Variants in RGS3 observed in about 807,000 individuals in gnomAD.
RGS3 encodes the protein regulator of G protein signaling 3, also known as regulator of G-protein signalling 3.
Under a neutral mutation model 132.6 loss-of-function variants are expected in RGS3, and 80 were observed. That is an observed-to-expected ratio of 0.60 (90% CI 0.50 to 0.73). The LOEUF is 0.73. Among genes scored for constraint, RGS3 ranks in the 30% least tolerant of loss-of-function variants. RGS3 has a pLI of 0.00. For synonymous variants in RGS3, 598 were observed against 620.6 expected (o/e 0.96, Z 0.54); for missense variants, 1,382 against 1,530.8 (o/e 0.90, Z 1.62).
intron 19 of RGS3, among the ~76,000 whole-genome samples, chr9:113,563,557 C>T (rs1833876876): frequency 6.6e-6 from 1 of 152,194 alleles, no homozygotes; most frequent in Admixed American, 6.5e-5. Flanking sequence ...TCTCTTGAGA[C>T]TCACCTCCTT....
chr9:113,518,956 G>A (rs999135573), intron 16 of RGS3, among the ~76,000 whole-genome samples: 8 of 152,184 alleles, frequency 5.3e-5, no homozygotes, highest in Non-Finnish European at 1.0e-4. Context: ...GCCAGTTAGA[G>A]ATGGCAGCCA....
At chr9:113,541,566 C>T (rs1832904466) in intron 19 of RGS3, 2 of 1,429,122 alleles carry the variant, frequency 1.4e-6, no homozygotes, top group Admixed American at 2.7e-5. Flanking sequence ...AGGGAGTGGT[C>T]CCAAGGGTGC....
At position 113,463,588 on chromosome 9, in the gene RGS3, C is replaced by T; in HGVS notation, c.415+1387C>T. ...TCAGCGCGGGTCGGCGGCGCCGCCTCCCCCACCCCGGCCCAGCTCTGCTCC... is the reference window on the plus strand; with the variant it reads ...TCAGCGCGGGTCGGCGGCGCCGCCTTCCCCACCCCGGCCCAGCTCTGCTCC... On this transcript the variant is annotated intron_variant, in intron 3 of 24. Transcript: ENST00000350696. The surrounding 1 kb of genome is among the most constrained non-coding windows in gnomAD (Gnocchi z 4.6). The T allele has an allele frequency of 3.2e-6, 3 of 924,334 alleles. No homozygotes were observed. The highest frequency in any genetic ancestry group is 4.4e-6 in the Non-Finnish European group (3 of 688,044). 57.3% of individuals were successfully genotyped at this position (924,334 alleles called of 1,614,324 possible). A position where few individuals can be genotyped will look rare whatever the true frequency, so the allele number is the denominator to read the frequency against.
At chr9:113,531,829 C>A (rs1832480144) in intron 18 of RGS3, among the ~76,000 whole-genome samples, 1 of 152,256 alleles carries the variant, frequency 6.6e-6, no homozygotes, top group Non-Finnish European at 1.5e-5. Context: ...TTCCTTCCTA[C>A]CTATGTCATA....
At chr9:113,548,901 G>A (rs570037683) in intron 19 of RGS3, among the ~76,000 whole-genome samples, 3 of 152,078 alleles carry the variant, frequency 2.0e-5, no homozygotes, top group African/African-American at 4.8e-5. Context: ...CCTGAGAGTC[G>A]CCTGGCAGGC....
chr9:113,472,105 A>G (rs1196194951), intron 3 of RGS3, among the ~76,000 whole-genome samples: 1 of 152,210 alleles, frequency 6.6e-6, no homozygotes, highest in African/African-American at 2.4e-5. Flanking sequence ...ATAATAAAAA[A>G]AGAGCCAATA....
chr9:113,504,456 G>C (rs191467080), intron 10 of RGS3, among the ~76,000 whole-genome samples: 128 of 152,344 alleles, frequency 8.4e-4, no homozygotes, highest in Non-Finnish European at 1.3e-3. Flanking sequence ...CTGCCAGGCT[G>C]TCCTCCCTGC....
chr9:113,538,076 T>C (rs1319425629), intron 19 of RGS3, among the ~76,000 whole-genome samples: 4 of 152,252 alleles, frequency 2.6e-5, no homozygotes, highest in Non-Finnish European at 5.9e-5. Flanking sequence ...TTTGCTGCTC[T>C]GTACTTTGAT....
At chr9:113,498,583 A>C (rs1830760655) in intron 10 of RGS3, among the ~76,000 whole-genome samples, 1 of 152,160 alleles carries the variant, frequency 6.6e-6, no homozygotes, top group African/African-American at 2.4e-5. Context: ...TTTGCAGGGC[A>C]TGGCAGGGGA....
At chr9:113,572,245 A>C (rs2118895931) in intron 19 of RGS3, among the ~76,000 whole-genome samples, 1 of 152,208 alleles carries the variant, frequency 6.6e-6, no homozygotes, top group African/African-American at 2.4e-5. Flanking sequence ...GCAGGAGACC[A>C]ATATAGGCAA....
chr9:113,567,805 T>C (rs1834078924), intron 19 of RGS3, among the ~76,000 whole-genome samples: 1 of 152,200 alleles, frequency 6.6e-6, no homozygotes. Context: ...GGATTGGAGC[T>C]CAGCTCCCTG....
intron 19 of RGS3, among the ~76,000 whole-genome samples, chr9:113,550,851 C>T (rs1188809846): frequency 6.6e-6 from 1 of 152,122 alleles, no homozygotes; most frequent in Non-Finnish European, 1.5e-5. Context: ...TCACAAAGAG[C>T]TCTTTATATA....
rs187825720 is a variant in RGS3 at position 113,533,430 on chromosome 9, C to T, written c.1915-3366C>T. On this transcript the variant is annotated intron_variant, in intron 18 of 24. Transcript: ENST00000350696. The stretch of plus-strand genomic sequence containing the variant: ...GTTTTTAGTAGAGACGGGGTTTCAT[C>T]GTTTTGGCCAGGATGGTCTCAAACT... 1.8e-3 allele frequency among the ~76,000 whole-genome samples: 274 copies of T among 152,262 alleles called. 2 individuals are homozygous for T. Among genetic ancestry groups the T allele is most frequent in the South Asian group, 0.014 (68 of 4,826 alleles).
intron 1 of RGS3, among the ~76,000 whole-genome samples, chr9:113,449,579 G>A (rs1321201229): frequency 2.0e-5 from 3 of 152,166 alleles, no homozygotes; most frequent in Admixed American, 6.5e-5. Context: ...GGGAGTGTGA[G>A]ATGGGGAAGG....
chr9:113,535,168 G>A (rs947207023), intron 18 of RGS3, among the ~76,000 whole-genome samples: 5 of 149,048 alleles, frequency 3.4e-5, no homozygotes, highest in African/African-American at 1.2e-4. Flanking sequence ...TTTTTTTTTC[G>A]AGGCTGAGTC....
chr9:113,469,204 C>T (rs886613519), intron 3 of RGS3, among the ~76,000 whole-genome samples: 4 of 152,032 alleles, frequency 2.6e-5, no homozygotes, highest in African/African-American at 7.3e-5. Flanking sequence ...CAGCCAGCTG[C>T]GTGGTGTGTT....
At chr9:113,594,025 A>T in intron 21 of RGS3, 1 of 1,612,748 alleles carries the variant, frequency 6.2e-7, no homozygotes, top group Non-Finnish European at 8.5e-7. Flanking sequence ...GCTCCCTCTC[A>T]GGGTTGGCCA....
At chr9:113,482,454 G>C (rs7846756) in intron 4 of RGS3, among the ~76,000 whole-genome samples, 3,217 of 152,270 alleles carry the variant, frequency 0.021, 125 homozygotes, top group African/African-American at 0.074. Flanking sequence ...ATTCATGCCT[G>C]GGTCCGTCCA....
intron 17 of RGS3, among the ~76,000 whole-genome samples, chr9:113,525,583 GTC>G (rs1169319075): frequency 2.0e-5 from 3 of 152,190 alleles, no homozygotes; most frequent in Non-Finnish European, 4.4e-5. Flanking sequence ...TTTCTTATTT[GTC>G]TCTTTCAAAC....
Sources: gnomAD v4.1 joint callset for allele counts (sites outside exome capture counted in the v4.1 genomes callset) on GRCh38, gnomAD v4.1.1 for gene constraint, Gnocchi (gnomAD v3.1) non-coding constraint, MANE v1.5 for transcripts, NCBI Gene and HGNC (gene_info 2026-07-23, HGNC 2026-07-21) for gene names.